ALG9: variants seen among roughly 807,000 people sequenced by gnomAD.
ALG9 encodes alpha-1,2-mannosyltransferase ALG9.
A neutral mutation model predicts 81.8 loss-of-function variants in ALG9; 55 were observed. The ratio of observed to expected loss-of-function variants is 0.67; its 90% CI spans 0.54 to 0.84. The LOEUF is 0.84. Among genes scored for constraint, ALG9 ranks in the 40% least tolerant of loss-of-function variants. ALG9 has a pLI of 0.00. For missense variants in ALG9, 629 were observed against 745.0 expected, an observed-to-expected ratio of 0.84 and a Z score of 1.81; for synonymous variants, 278 against 274.3, an observed-to-expected ratio of 1.01 and a Z score of -0.13.
chr11:111,862,200 T>A (rs1414671612), intron 4 of ALG9, among the ~76,000 whole-genome samples: 2 of 152,050 alleles, frequency 1.3e-5, no homozygotes, highest in Admixed American at 1.3e-4. Context: ...TAGATGTATG[T>A]CAGTTCTTTC....
chr11:111,865,569 A>G (rs782351235), intron 3 of ALG9, among the ~76,000 whole-genome samples: 6 of 152,260 alleles, frequency 3.9e-5, no homozygotes, highest in Non-Finnish European at 7.3e-5. Flanking sequence ...CATCTAGCTC[A>G]TGGACAATTA....
At chr11:111,852,842 T>C (rs1839775304) in intron 8 of ALG9, among the ~76,000 whole-genome samples, 1 of 150,406 alleles carries the variant, frequency 6.6e-6, no homozygotes, top group African/African-American at 2.5e-5. Context: ...TTCGGGAGGC[T>C]GAGGCAGGAG....
chr11:111,836,539 A>C, intron 12 of ALG9: 1 of 452,580 alleles, frequency 2.2e-6, no homozygotes. Flanking sequence ...TTCACAACCA[A>C]ATGGTCATAT....
chr11:111,794,452 T>C (rs1287529050), intron 14 of ALG9, among the ~76,000 whole-genome samples: 2 of 152,052 alleles, frequency 1.3e-5, no homozygotes, highest in African/African-American at 4.8e-5. Context: ...CCAGCTAATT[T>C]ATTATCATTA....
intron 8 of ALG9, chr11:111,849,680 C>T (rs1217825189): frequency 6.6e-6 from 1 of 152,028 alleles, no homozygotes; most frequent in Non-Finnish European, 1.5e-5. Context: ...TCCCTGTGTC[C>T]ATGTGTTCTC....
the ALG9 span, among the ~76,000 whole-genome samples, chr11:111,776,762 G>A: frequency 3.9e-5 from 6 of 152,176 alleles, no homozygotes; most frequent in South Asian, 4.2e-4. Flanking sequence ...GACCTTGTTC[G>A]TTCCTCAAGG....
At chr11:111,814,180 TAA>T (rs1397304787) in intron 13 of ALG9, among the ~76,000 whole-genome samples, 4 of 152,152 alleles carry the variant, frequency 2.6e-5, no homozygotes, top group African/African-American at 7.2e-5. Flanking sequence ...GAAATATTAA[TAA>T]GAGAGAACAA....
chr11:111,854,941 G>C (rs1457610893), intron 6 of ALG9, among the ~76,000 whole-genome samples: 2 of 152,136 alleles, frequency 1.3e-5, no homozygotes, highest in African/African-American at 4.8e-5. Flanking sequence ...CACTTATCTT[G>C]GTAAAGGCAG....
chr11:111,829,074 T>C (rs979040296), intron 13 of ALG9: 2 of 152,168 alleles, frequency 1.3e-5, no homozygotes, highest in African/African-American at 4.8e-5. Flanking sequence ...CCAGAGAGAA[T>C]AAATTTATTC....
intron 13 of ALG9, among the ~76,000 whole-genome samples, chr11:111,818,233 C>T (rs1439693141): frequency 1.3e-5 from 2 of 152,210 alleles, no homozygotes; most frequent in Non-Finnish European, 2.9e-5. Flanking sequence ...TACTCAAGTA[C>T]AGTCATGCGT....
At chr11:111,834,015 T>C (rs1169344615) in intron 13 of ALG9, among the ~76,000 whole-genome samples, 1 of 152,210 alleles carries the variant, frequency 6.6e-6, no homozygotes, top group East Asian at 1.9e-4. Context: ...AGTGAACTAC[T>C]GGGTACATGA....
At chr11:111,865,724 A>ACATTAT (rs1555152255) in intron 3 of ALG9, among the ~76,000 whole-genome samples, 5 of 152,346 alleles carry the variant, frequency 3.3e-5, no homozygotes, top group East Asian at 1.9e-4. Flanking sequence ...AATATTATTT[A>ACATTAT]TACATCAGTT....
chr11:111,840,759 A>C lies in ALG9; in HGVS notation c.1069T>G (p.Trp357Gly). 3.7e-6 allele frequency: 6 copies of C among 1,614,142 alleles called. No individual in the cohort carries two copies. The highest frequency in any genetic ancestry group is 5.1e-6 in the Non-Finnish European group (6 of 1,180,006). ...GGCTGGATGAAGAAAATTATAAACC[A>C]AATATACATTGGAGCCAAGGTAAGC... ...YWLTLAPMYI[W>G]FIIFFIQPHK... is the part of the protein sequence containing the mutation. The change falls in exon 10 of 15, where the codon TGG becomes GGG. Residue 357 changes from tryptophan (W) to glycine (G), a missense_variant. Coordinates refer to ENST00000616540, the MANE Select transcript of ALG9 (RefSeq NM_024740.2).
chr11:111,787,613 C>T (rs551646145), intron 14 of ALG9, among the ~76,000 whole-genome samples: 6 of 151,482 alleles, frequency 4.0e-5, no homozygotes, highest in African/African-American at 1.2e-4. Context: ...CCCACCACCA[C>T]GACCGGCTAA....
intron 9 of ALG9, among the ~76,000 whole-genome samples, chr11:111,841,638 T>C (rs566895220): frequency 2.6e-4 from 39 of 152,304 alleles, no homozygotes; most frequent in African/African-American, 8.9e-4. Context: ...AAATGGTAGA[T>C]AGACAGCGCC....
At position 111,815,394 on chromosome 11, in the gene ALG9, C is replaced by A. The variant is rs530318549; in HGVS notation, c.1603-5621G>T. 7.9e-5 allele frequency among the ~76,000 whole-genome samples: 12 copies of A among 152,140 alleles called. No homozygotes were observed. The East Asian group carries it at 1.9e-3, about 25-fold the overall frequency. On this transcript the variant is annotated intron_variant, in intron 13 of 14. Coordinates refer to ENST00000616540, the MANE Select transcript of ALG9 (RefSeq NM_024740.2). ...CTCCAGCCCAGGAAACAGAGCAAGACCCTGTCTCTAAAACTAAAAAAAAGA... is the reference window on the plus strand; with the variant it reads ...CTCCAGCCCAGGAAACAGAGCAAGAACCTGTCTCTAAAACTAAAAAAAAGA...
intron 13 of ALG9, among the ~76,000 whole-genome samples, chr11:111,828,524 C>T (rs1458529072): frequency 1.3e-5 from 2 of 152,058 alleles, no homozygotes; most frequent in Non-Finnish European, 2.9e-5. Context: ...TTGAAGTAAT[C>T]AAGATATAAT....
chr11:111,870,466 C>CAAGGGACATCAA, intron 1 of ALG9, 96 bp from the exon 2 acceptor site: 1 of 1,399,544 alleles, frequency 7.1e-7, no homozygotes, highest in Non-Finnish European at 9.4e-7. Context: ...ACAAAAAGGG[C>CAAGGGACATCAA]AAGGGACATC....
chr11:111,849,726 G>C (rs1027588820), intron 8 of ALG9: 1 of 152,070 alleles, frequency 6.6e-6, no homozygotes. Context: ...AGAAGATGTG[G>C]TGTTTGGTTT....
Sources: allele counts gnomAD v4.1 joint callset (sites outside exome capture counted in the v4.1 genomes callset), GRCh38; gene constraint gnomAD v4.1.1; transcripts MANE v1.5; gene names NCBI Gene and HGNC (gene_info 2026-07-23, HGNC 2026-07-21).